The following MYCBP2 variants were observed in gnomAD, a reference collection of about 807,000 sequenced individuals.
MYCBP2 encodes the protein E3 ubiquitin-protein ligase MYCBP2.
Under a neutral mutation model 525.3 loss-of-function variants are expected in MYCBP2, and 120 were observed. That is an observed-to-expected ratio of 0.23 (90% confidence interval 0.20 to 0.27). The LOEUF is 0.27. Among genes scored for constraint, MYCBP2 ranks in the 10% least tolerant of loss-of-function variants. The pLI is 1.00. For synonymous variants in MYCBP2, 1,894 were observed against 1,955.8 expected (o/e 0.97, Z 0.83); for missense variants, 4,149 against 5,657.1 (o/e 0.73, Z 8.55).
At chr13:77,212,246 C>A (rs2064115931) in intron 21 of MYCBP2, 86 bp from the exon 22 acceptor site, 1 of 1,195,918 alleles carries the variant, frequency 8.4e-7, no homozygotes, top group East Asian at 2.5e-5. Flanking sequence ...AGATAAAAAT[C>A]AATCTATGAA....
intron 26 of MYCBP2, among the ~76,000 whole-genome samples, chr13:77,194,471 T>G (rs2061568258): frequency 6.6e-6 from 1 of 152,198 alleles, no homozygotes; most frequent in Non-Finnish European, 1.5e-5. Flanking sequence ...CTAATTTATA[T>G]ATTCATCTAT....
At chr13:77,066,674 T>C (rs1329580524) in intron 71 of MYCBP2, among the ~76,000 whole-genome samples, 1 of 152,224 alleles carries the variant, frequency 6.6e-6, no homozygotes, top group African/African-American at 2.4e-5. Flanking sequence ...ATTTAAAATA[T>C]AGTTAGATAT....
In MYCBP2 at chr13:77,134,305, G is replaced by A. The variant is rs112359634; in HGVS notation, c.7659+4891C>T. 6.7e-3 allele frequency among the ~76,000 whole-genome samples: 1,016 copies of A among 152,216 alleles called. 15 individuals carry two copies. Among genetic ancestry groups the A allele is most frequent in the African/African-American group, 0.023 (971 of 41,530 alleles). On this transcript the variant is annotated intron_variant, in intron 52 of 82. Coordinates refer to ENST00000544440, the MANE Select transcript of MYCBP2 (RefSeq NM_015057.5). ...AGCACTGTGGGAAGCCAAGGTAGGT[G>A]GATCACTTGAGGCCAGGAGTTCGAG...
chr13:77,105,729 T>G (rs2047753304), intron 55 of MYCBP2, among the ~76,000 whole-genome samples: 1 of 152,122 alleles, frequency 6.6e-6, no homozygotes, highest in African/African-American at 2.4e-5. Context: ...CTCCACAAAA[T>G]TTTGATTCTT....
intron 55 of MYCBP2, among the ~76,000 whole-genome samples, chr13:77,102,370 T>A (rs891554037): frequency 6.6e-6 from 1 of 151,734 alleles, no homozygotes; most frequent in Non-Finnish European, 1.5e-5. Context: ...CTGTTTTATC[T>A]ATTTCTAAGA....
At chr13:77,064,587 A>T in intron 73 of MYCBP2, 28 bp downstream of exon 73, 1 of 1,568,892 alleles carries the variant, frequency 6.4e-7, no homozygotes, top group Non-Finnish European at 8.7e-7. Context: ...ACCAAATTTA[A>T]AACAAAACAA....
intron 17 of MYCBP2, among the ~76,000 whole-genome samples, chr13:77,233,468 T>C (rs571013697): frequency 8.7e-6 from 1 of 114,910 alleles, no homozygotes; most frequent in African/African-American, 3.4e-5. Flanking sequence ...ATATCTTAAA[T>C]ATAATTTATA....
chr13:77,168,258 CTTAAA>C (rs900542868), intron 40 of MYCBP2, among the ~76,000 whole-genome samples, 165 bp downstream of exon 40: 5 of 152,102 alleles, frequency 3.3e-5, no homozygotes, highest in African/African-American at 1.2e-4. Context: ...AAAATTCCAT[CTTAAA>C]TTATTTTATA....
chr13:77,046,743 G>A (rs1309843412), intron 82 of MYCBP2, among the ~76,000 whole-genome samples: 1 of 152,236 alleles, frequency 6.6e-6, no homozygotes, highest in Non-Finnish European at 1.5e-5. Flanking sequence ...TAACAGGCAT[G>A]AGAGTGGCAA....
intron 4 of MYCBP2, among the ~76,000 whole-genome samples, chr13:77,274,185 T>A (rs1012565322): frequency 1.3e-5 from 2 of 152,194 alleles, no homozygotes; most frequent in Non-Finnish European, 2.9e-5. Flanking sequence ...TCCAAGTCAA[T>A]AGGACAGATA....
At chr13:77,104,764 C>G (rs1361057333) in intron 55 of MYCBP2, among the ~76,000 whole-genome samples, 2 of 152,092 alleles carry the variant, frequency 1.3e-5, no homozygotes, top group Non-Finnish European at 2.9e-5. Context: ...AAGTCACAGA[C>G]TGACTACAGC....
intron 53 of MYCBP2, 46 bp downstream of exon 53, chr13:77,126,272 T>A: frequency 6.5e-7 from 1 of 1,532,632 alleles, no homozygotes; most frequent in African/African-American, 1.4e-5. Flanking sequence ...TTGTATTACA[T>A]TAAAAATGAG....
Position 77,148,620 on chromosome 13 carries a change from T to C in MYCBP2, c.7131+2114A>G, listed in dbSNP as rs1376847959. ...GTTCTTTTGCTGGTCTAGCAAAATT[T>C]TAATGCTAGATCCATCCAAATGATT... On this transcript the variant is annotated intron_variant, in intron 47 of 82. Coordinates refer to ENST00000544440, the MANE Select transcript of MYCBP2 (RefSeq NM_015057.5). Among the ~76,000 whole-genome samples, 7 of 152,120 alleles carry C rather than the reference T, an allele frequency of 4.6e-5. No homozygotes were observed. In the East Asian group the frequency reaches 1.3e-3, roughly 29 times the overall value.
At chr13:77,046,597 A>G (rs2035613095) in intron 82 of MYCBP2, among the ~76,000 whole-genome samples, 1 of 152,234 alleles carries the variant, frequency 6.6e-6, no homozygotes, top group African/African-American at 2.4e-5. Context: ...GGCTATTACT[A>G]CTATTACTGA....
intron 68 of MYCBP2, chr13:77,076,116 A>T (rs186350362): frequency 6.6e-6 from 1 of 152,358 alleles, no homozygotes; most frequent in African/African-American, 2.4e-5. Flanking sequence ...CCGAAAAAGT[A>T]AAGCAACTGT....
At chr13:77,262,406 A>G (rs2073449206) in intron 10 of MYCBP2, among the ~76,000 whole-genome samples, 1 of 152,068 alleles carries the variant, frequency 6.6e-6, no homozygotes. Context: ...TGTCAGCAAT[A>G]TTCCTTGAAT....
intron 61 of MYCBP2, among the ~76,000 whole-genome samples, chr13:77,088,478 T>A (rs1447858181): frequency 1.3e-5 from 2 of 152,120 alleles, no homozygotes; most frequent in African/African-American, 4.8e-5. Context: ...ACTGGTCAAC[T>A]TACCACTCAA....
intron 20 of MYCBP2, among the ~76,000 whole-genome samples, chr13:77,218,263 C>T (rs568633511): frequency 1.6e-3 from 240 of 152,270 alleles, no homozygotes; most frequent in African/African-American, 5.4e-3. Flanking sequence ...ACTCTGTATA[C>T]TGACTGGCCT....
chr13:77,204,970 G>A (rs951762830), intron 26 of MYCBP2, among the ~76,000 whole-genome samples: 6 of 151,476 alleles, frequency 4.0e-5, no homozygotes, highest in Non-Finnish European at 8.8e-5. Context: ...CGTGGGTGCA[G>A]CGCATCAGCA....
Sources: allele counts gnomAD v4.1 joint callset (sites outside exome capture counted in the v4.1 genomes callset), GRCh38; gene constraint gnomAD v4.1.1; transcripts MANE v1.5; gene names NCBI Gene and HGNC (gene_info 2026-07-23, HGNC 2026-07-21).